The following COA1 variants were observed in gnomAD, a reference collection of about 807,000 sequenced individuals.
COA1 encodes the protein cytochrome c oxidase assembly factor 1 homolog.
Under a neutral mutation model 16.0 loss-of-function variants are expected in COA1, and 13 were observed. The observed-to-expected ratio is 0.81, with a 90% CI of 0.53 to 1.29. The LOEUF is 1.29. COA1 is among the 50% of genes most tolerant of loss of function. The pLI is 0.00. For missense variants in COA1, 179 were observed against 177.0 expected, an observed-to-expected ratio of 1.01 and a Z score of -0.06; for synonymous variants, 65 against 65.7, an observed-to-expected ratio of 0.99 and a Z score of 0.05.
At chr7:43,615,057 G>A (rs182743968) in intron 6 of COA1, among the ~76,000 whole-genome samples, 474 of 152,250 alleles carry the variant, frequency 3.1e-3, no homozygotes, top group Non-Finnish European at 5.2e-3. Context: ...GGCATTTTGC[G>A]TGTACTCAAA....
intron 1 of COA1, among the ~76,000 whole-genome samples, chr7:43,656,820 AAAAAGAAAAG>A (rs141367829): frequency 0.15 from 22,128 of 151,778 alleles, 2,161 homozygotes; most frequent in Non-Finnish European, 0.21. Flanking sequence ...GCAAATATTA[AAAAAGAAAAG>A]AAAAGAAAAG....
At chr7:43,727,761 T>A (rs975964494) in intron 1 of COA1, among the ~76,000 whole-genome samples, 1 of 151,964 alleles carries the variant, frequency 6.6e-6, no homozygotes, top group Non-Finnish European at 1.5e-5. Context: ...CCTTTTGGAG[T>A]GATGAAAATG....
intron 1 of COA1, among the ~76,000 whole-genome samples, chr7:43,667,178 T>C (rs1468529422): frequency 1.3e-5 from 2 of 152,204 alleles, no homozygotes; most frequent in Non-Finnish European, 2.9e-5. Context: ...CATTTGGCAA[T>C]CTGGAATTCT....
chr7:43,690,094 T>C (rs2130886834), intron 1 of COA1, among the ~76,000 whole-genome samples: 1 of 151,994 alleles, frequency 6.6e-6, no homozygotes, highest in South Asian at 2.1e-4. Context: ...AAAAATAAAA[T>C]AATAATAATA....
Position 43,647,634 on chromosome 7 carries a change from A to G in COA1, c.16T>C (p.Tyr6His). The change falls in exon 3 of 6, where the codon TAT becomes CAT. Residue 6 changes from tyrosine (Y) to histidine (H), a missense_variant and splice_region_variant. Tyr to His is a moderately conservative substitution (Grantham distance 83). Transcript: ENST00000223336. ...GGCATTGACCGCCTGCTTCCTGCAT[A>G]CTTAAAAACAAAAGATACAAATTTA... is the stretch of plus-strand genomic sequence containing the variant. MMWQK[Y>H]AGSRRSMPLG... 1.2e-6 allele frequency: 2 copies of G among 1,608,692 alleles called. No individual in the cohort carries two copies. Among genetic ancestry groups the G allele is most frequent in the Non-Finnish European group, 8.5e-7 (1 of 1,175,730 alleles).
chr7:43,644,834 A>AGAGT (rs57561752), intron 4 of COA1, among the ~76,000 whole-genome samples: 83 of 150,518 alleles, frequency 5.5e-4, no homozygotes, highest in African/African-American at 1.9e-3. Context: ...AGAGAGAGAG[A>AGAGT]CAGGGTCTTG....
chr7:43,700,299 C>A (rs994856027), intron 1 of COA1, among the ~76,000 whole-genome samples: 4 of 152,088 alleles, frequency 2.6e-5, no homozygotes, highest in African/African-American at 9.7e-5. Flanking sequence ...TGATAGCTAA[C>A]ATGGGTATCC....
intron 1 of COA1, among the ~76,000 whole-genome samples, chr7:43,728,812 G>A (rs1225886349): frequency 1.3e-5 from 2 of 152,168 alleles, no homozygotes; most frequent in Non-Finnish European, 1.5e-5. Flanking sequence ...GGGAAGACCG[G>A]AGAAACAGGT....
At chr7:43,722,414 G>C (rs1368284040) in intron 1 of COA1, among the ~76,000 whole-genome samples, 1 of 144,376 alleles carries the variant, frequency 6.9e-6, no homozygotes, top group Non-Finnish European at 1.5e-5. Context: ...TTTTCCCTAC[G>C]ACAAAACGAG....
chr7:43,663,075 G>A (rs923717731), intron 1 of COA1, among the ~76,000 whole-genome samples: 1 of 152,206 alleles, frequency 6.6e-6, no homozygotes, highest in African/African-American at 2.4e-5. Context: ...TCTCTTGAAT[G>A]AGTTGGCACC....
intron 1 of COA1, among the ~76,000 whole-genome samples, chr7:43,664,108 A>AGAGG (rs1461879682): frequency 1.8e-5 from 2 of 109,722 alleles, no homozygotes; most frequent in Non-Finnish European, 4.8e-5. Flanking sequence ...TTAGAAAGAG[A>AGAGG]GAGAGAGAGA....
intron 1 of COA1, among the ~76,000 whole-genome samples, chr7:43,661,359 G>A (rs866704110): frequency 2.0e-5 from 3 of 152,150 alleles, no homozygotes; most frequent in Admixed American, 6.5e-5. Context: ...TTTCCAGGCC[G>A]GGTGCAGTGG....
intron 1 of COA1, among the ~76,000 whole-genome samples, chr7:43,682,709 T>C (rs969285700): frequency 5.3e-5 from 8 of 152,192 alleles, no homozygotes; most frequent in African/African-American, 1.9e-4. Context: ...GAATTTGTCA[T>C]TCTAGATAAT....
intron 6 of COA1, among the ~76,000 whole-genome samples, chr7:43,620,057 T>A (rs2083716998): frequency 6.6e-6 from 1 of 152,220 alleles, no homozygotes; most frequent in African/African-American, 2.4e-5. Context: ...TTTAAGGATG[T>A]TCTGGTTGAT....
chr7:43,717,482 TTACCCAATACCTG>T (rs1453616424), intron 1 of COA1, among the ~76,000 whole-genome samples: 4 of 152,236 alleles, frequency 2.6e-5, no homozygotes, highest in African/African-American at 9.6e-5. Flanking sequence ...ATGACTATAT[TTACCCAATACCTG>T]TAAACCCATT....
At chr7:43,661,288 C>T (rs1371936049) in intron 1 of COA1, among the ~76,000 whole-genome samples, 3 of 152,210 alleles carry the variant, frequency 2.0e-5, no homozygotes. Flanking sequence ...TGGCATCAAT[C>T]TAACAGGATG....
intron 6 of COA1, among the ~76,000 whole-genome samples, chr7:43,614,069 T>C (rs2083120418): frequency 6.6e-6 from 1 of 152,290 alleles, no homozygotes; most frequent in African/African-American, 2.4e-5. Context: ...AGAACTTTAA[T>C]TGTCTGATAA....
intron 4 of COA1, chr7:43,640,896 C>T (rs2086878255): frequency 2.4e-6 from 1 of 413,456 alleles, no homozygotes; most frequent in Non-Finnish European, 4.3e-6. Context: ...TATGTCAATG[C>T]TCTGGGTACT....
intron 1 of COA1, among the ~76,000 whole-genome samples, chr7:43,722,565 G>C (rs1257885648): frequency 6.6e-6 from 1 of 152,044 alleles, no homozygotes. Flanking sequence ...ATCACGCCCA[G>C]CTAATTTTTG....
Sources: allele counts gnomAD v4.1 joint callset (sites outside exome capture counted in the v4.1 genomes callset), GRCh38; gene constraint gnomAD v4.1.1; transcripts MANE v1.5; gene names NCBI Gene and HGNC (gene_info 2026-07-23, HGNC 2026-07-21).